Variants in ARHGEF12 observed in about 807,000 individuals in gnomAD.
ARHGEF12 encodes KMT2A/ARHGEF12 fusion protein.
A neutral mutation model predicts 211.2 loss-of-function variants in ARHGEF12; 66 were observed. The ratio of observed to expected loss-of-function variants is 0.31; its 90% confidence interval spans 0.26 to 0.38. ARHGEF12 has a LOEUF of 0.38. Among genes scored for constraint, ARHGEF12 ranks in the 10% least tolerant of loss-of-function variants. The pLI, the probability that ARHGEF12 is intolerant of heterozygous loss-of-function variation, is 1.00. For missense variants in ARHGEF12, 1,429 were observed against 1,869.5 expected (o/e 0.76, Z 4.34); for synonymous variants, 592 against 638.4 (o/e 0.93, Z 1.09).
chr11:120,487,684 C>G lies in ARHGEF12; in HGVS notation c.*2607C>G, dbSNP rs1416540890. The G allele has an allele frequency of 1.8e-5, 4 of 218,364 alleles. No homozygotes were observed. The highest frequency in any genetic ancestry group is 2.8e-5 in the Non-Finnish European group (3 of 108,770). The allele number at this position is 218,364 out of a possible 1,614,324, so 13.5% of individuals were successfully genotyped here. On this transcript the variant is annotated 3_prime_UTR_variant, in exon 41 of 41. Transcript: ENST00000397843. ...GTGGTGTACAAAGAAAGCTACCTTCCCAGAGCAAGCAGGCTGCATTTTAGC... is the reference window on the plus strand; with the variant it reads ...GTGGTGTACAAAGAAAGCTACCTTCGCAGAGCAAGCAGGCTGCATTTTAGC...
intron 1 of ARHGEF12, among the ~76,000 whole-genome samples, chr11:120,364,424 T>A (rs1284199040): frequency 1.3e-5 from 2 of 152,206 alleles, no homozygotes; most frequent in Non-Finnish European, 2.9e-5. Context: ...GCCTAAGAAA[T>A]GTTTAAACTT....
chr11:120,395,460 T>C (rs1944354060), intron 1 of ARHGEF12, among the ~76,000 whole-genome samples: 2 of 152,218 alleles, frequency 1.3e-5, no homozygotes, highest in South Asian at 4.1e-4. Flanking sequence ...CTGAGCTTAA[T>C]ATAGATACAG....
chr11:120,361,720 T>C (rs1407755079), intron 1 of ARHGEF12, among the ~76,000 whole-genome samples: 1 of 152,232 alleles, frequency 6.6e-6, no homozygotes, highest in African/African-American at 2.4e-5. Flanking sequence ...ACATATCTCA[T>C]AGTTCTAGTT....
At chr11:120,358,677 T>C (rs765201769) in intron 1 of ARHGEF12, among the ~76,000 whole-genome samples, 23 of 152,178 alleles carry the variant, frequency 1.5e-4, no homozygotes, top group Non-Finnish European at 2.5e-4. Context: ...ACTAGCCACA[T>C]TTCAAATATT....
intron 1 of ARHGEF12, among the ~76,000 whole-genome samples, chr11:120,339,978 A>C (rs1427204896): frequency 6.6e-6 from 1 of 152,190 alleles, no homozygotes; most frequent in Non-Finnish European, 1.5e-5. Context: ...TTAAACTCAA[A>C]CTATGTTCAT....
intron 22 of ARHGEF12, among the ~76,000 whole-genome samples, chr11:120,454,914 G>A (rs1946319714): frequency 6.6e-6 from 1 of 152,164 alleles, no homozygotes; most frequent in African/African-American, 2.4e-5. Flanking sequence ...TTAGAAACAA[G>A]TCACTAAATC....
Position 120,366,522 on chromosome 11 carries a change from T to A in ARHGEF12, c.32+29247T>A, listed in dbSNP as rs190905432. 3.9e-5 allele frequency among the ~76,000 whole-genome samples: 6 copies of A among 152,334 alleles called. No individual in the cohort carries two copies. In the East Asian group the frequency reaches 1.2e-3, roughly 29 times the overall value. ...CAATAAAATAATACAGTGGGTGATC[T>A]GTTGTTGCAATTCAAATATGGAGTT... On this transcript the variant is annotated intron_variant, in intron 1 of 40. Transcript: ENST00000397843.
At chr11:120,476,481 CA>C in intron 33 of ARHGEF12, 179 bp from the exon 34 acceptor site, 1 of 444,572 alleles carries the variant, frequency 2.2e-6, no homozygotes, top group Non-Finnish European at 4.0e-6. Context: ...AAATATAGTA[CA>C]ATAAATACGT....
intron 1 of ARHGEF12, among the ~76,000 whole-genome samples, chr11:120,394,366 AATT>A (rs1316087698): frequency 1.3e-5 from 2 of 151,430 alleles, no homozygotes; most frequent in African/African-American, 2.4e-5. Context: ...GTGCCCCACT[AATT>A]TTTTTTAGTA....
chr11:120,338,828 A>G (rs1180759576), intron 1 of ARHGEF12, among the ~76,000 whole-genome samples: 1 of 152,182 alleles, frequency 6.6e-6, no homozygotes, highest in South Asian at 2.1e-4. Flanking sequence ...TCCACACACA[A>G]GTGAGTGAAA....
At chr11:120,447,316 A>C in intron 18 of ARHGEF12, 1 of 413,392 alleles carries the variant, frequency 2.4e-6, no homozygotes, top group Non-Finnish European at 4.2e-6. Context: ...TAAAACTTCT[A>C]ATCAGTGATC....
In ARHGEF12 at chr11:120,483,654, G is replaced by A. The variant is rs146605791; in HGVS notation, c.4555-784G>A. Among the ~76,000 whole-genome samples the A allele has an allele frequency of 3.9e-3, 564 of 143,972 alleles. 1 individual carries two copies. Among genetic ancestry groups the A allele is most frequent in the African/African-American group, 0.014 (543 of 38,976 alleles). The allele number at this position is 143,972 out of a possible 152,430, so 94.5% of individuals were successfully genotyped here. On this transcript the variant is annotated intron_variant, in intron 39 of 40. Transcript: ENST00000397843. ...TTTTGAGACAGAGTCTTGCTCTGTC[G>A]CCCAGGCTGGAGTGCAGTGGCATGA... is the stretch of plus-strand genomic sequence containing the variant.
At chr11:120,363,137 C>T (rs1943324772) in intron 1 of ARHGEF12, among the ~76,000 whole-genome samples, 1 of 152,064 alleles carries the variant, frequency 6.6e-6, no homozygotes, top group Non-Finnish European at 1.5e-5. Context: ...GGCTTTGATC[C>T]TACATTTTAA....
At chr11:120,427,890 A>G (rs1355767153) in intron 7 of ARHGEF12, among the ~76,000 whole-genome samples, 179 bp from the exon 8 acceptor site, 2 of 152,168 alleles carry the variant, frequency 1.3e-5, no homozygotes, top group Non-Finnish European at 2.9e-5. Flanking sequence ...GGCAGTCATA[A>G]AAGAGAAATG....
intron 1 of ARHGEF12, among the ~76,000 whole-genome samples, chr11:120,376,159 A>T (rs1278742280): frequency 2.0e-5 from 3 of 152,148 alleles, no homozygotes. Flanking sequence ...TGCTCTGGTA[A>T]TTGCTTGGGC....
At chr11:120,399,664 C>G (rs1326021929) in intron 1 of ARHGEF12, among the ~76,000 whole-genome samples, 2 of 152,042 alleles carry the variant, frequency 1.3e-5, no homozygotes, top group African/African-American at 4.8e-5. Context: ...GATTCCTATT[C>G]CTGTGATTTT....
intron 1 of ARHGEF12, among the ~76,000 whole-genome samples, chr11:120,390,475 A>G (rs1944178217): frequency 1.3e-5 from 2 of 152,158 alleles, no homozygotes; most frequent in African/African-American, 4.8e-5. Context: ...TTTCTCTTTA[A>G]ATATATAGCT....
At chr11:120,469,745 C>G (rs1946812178) in intron 30 of ARHGEF12, among the ~76,000 whole-genome samples, 1 of 152,172 alleles carries the variant, frequency 6.6e-6, no homozygotes, top group South Asian at 2.1e-4. Context: ...AGGCATTTAA[C>G]AGGATTATAG....
intron 3 of ARHGEF12, 114 bp from the exon 4 acceptor site, chr11:120,409,280 G>A: frequency 2.1e-6 from 2 of 960,800 alleles, no homozygotes; most frequent in Non-Finnish European, 3.2e-6. Context: ...TTCATACTTT[G>A]TGTTTGCACG....
Sources: gnomAD v4.1 joint callset for allele counts (sites outside exome capture counted in the v4.1 genomes callset) on GRCh38, gnomAD v4.1.1 for gene constraint, MANE v1.5 for transcripts, NCBI Gene and HGNC (gene_info 2026-07-23, HGNC 2026-07-21) for gene names.